Variants in UGP2 observed in about 807,000 individuals in gnomAD.
UGP2 encodes the protein UTP--glucose-1-phosphate uridylyltransferase.
Under a neutral mutation model 49.0 loss-of-function variants are expected in UGP2, and 40 were observed. The ratio of observed to expected loss-of-function variants is 0.82; its 90% CI spans 0.63 to 1.06. The LOEUF (loss-of-function observed/expected upper bound fraction) is 1.06, where lower values mean the gene tolerates loss of function less well. Ranked by LOEUF, UGP2 falls within the 50% of genes least tolerant of loss-of-function variation. The probability of loss-of-function intolerance (pLI) is 0.00; values close to 1 mark genes in which losing one functional copy is unlikely to be tolerated. For synonymous variants in UGP2, 225 were observed against 213.0 expected (o/e 1.06, Z -0.49); for missense variants, 460 against 603.5 (o/e 0.76, Z 2.49).
At chr2:63,857,800 G>A in intron 2 of UGP2, 29 bp from the exon 3 acceptor site, 1 of 1,579,016 alleles carries the variant, frequency 6.3e-7, no homozygotes, top group Non-Finnish European at 8.7e-7. Flanking sequence ...GCATTCTGCT[G>A]GTTGTAACAA....
chr2:63,858,958 A>G (rs1669643268), intron 3 of UGP2, among the ~76,000 whole-genome samples: 1 of 134,664 alleles, frequency 7.4e-6, no homozygotes, highest in Admixed American at 8.8e-5. Flanking sequence ...TATATAATTT[A>G]TGATGGACCT....
At chr2:63,851,058 GGA>G (rs1407293942) in intron 1 of UGP2, among the ~76,000 whole-genome samples, 1 of 152,156 alleles carries the variant, frequency 6.6e-6, no homozygotes, top group African/African-American at 2.4e-5. Flanking sequence ...ATGTTATAAA[GGA>G]GAGGTACAAG....
rs1398869442 is a variant in UGP2 at position 63,891,169 on chromosome 2, C to T, written c.1469C>T (p.Pro490Leu). 2 of 1,613,558 alleles carry T rather than the reference C, an allele frequency of 1.2e-6. No individual in the cohort carries two copies. The highest frequency in any genetic ancestry group is 1.3e-5 in the African/African-American group (1 of 74,872). Reference protein sequence around the residue: ...ANHGDRIDIPPGAVLENKIVS... With the variant: ...ANHGDRIDIPLGAVLENKIVS... ...CATGGTGACAGAATTGATATCCCAC[C>T]TGGAGCAGTATTAGAGAACAAGATT... The change falls in exon 10 of 10, where the codon CCT (proline) becomes CTT (leucine). Residue 490 changes from proline (P) to leucine (L), a missense_variant. Pro to Leu is a moderately conservative substitution (Grantham distance 98, BLOSUM62 -3). Coordinates refer to ENST00000337130, the MANE Select transcript of UGP2 (RefSeq NM_006759.4).
intron 2 of UGP2, 29 bp downstream of exon 2, chr2:63,856,462 C>A: frequency 6.3e-7 from 1 of 1,587,148 alleles, no homozygotes; most frequent in Non-Finnish European, 8.5e-7. Context: ...TGTTCCACCC[C>A]CCCGCCCCTC....
intron 8 of UGP2, chr2:63,889,198 G>T (rs962341363): frequency 6.6e-6 from 1 of 152,186 alleles, no homozygotes; most frequent in Non-Finnish European, 1.5e-5. Flanking sequence ...AATGAAAAAC[G>T]AGGAATTGGA....
At chr2:63,849,930 C>T (rs932941634) in intron 1 of UGP2, among the ~76,000 whole-genome samples, 2 of 152,154 alleles carry the variant, frequency 1.3e-5, no homozygotes, top group Non-Finnish European at 2.9e-5. Context: ...GCAGGACTAC[C>T]GGATCATTTT....
At chr2:63,865,318 G>C (rs1480186163) in intron 3 of UGP2, among the ~76,000 whole-genome samples, 1 of 152,212 alleles carries the variant, frequency 6.6e-6, no homozygotes, top group African/African-American at 2.4e-5. Context: ...GCCCTGCCCA[G>C]CTGCCTAGAG....
intron 3 of UGP2, among the ~76,000 whole-genome samples, chr2:63,875,440 A>G: frequency 6.6e-6 from 1 of 152,242 alleles, no homozygotes; most frequent in East Asian, 1.9e-4. Context: ...ACTAATGGGA[A>G]CAGTGTGTCT....
intron 1 of UGP2, among the ~76,000 whole-genome samples, chr2:63,843,245 C>T (rs1671699448): frequency 1.3e-5 from 2 of 152,190 alleles, no homozygotes; most frequent in South Asian, 4.1e-4. Context: ...ATTCGACTGC[C>T]TGTGTTATTA....
In UGP2 at chr2:63,886,293, T is replaced by C. The variant is rs184196323; in HGVS notation, c.874-48T>C. On this transcript the variant is annotated intron_variant, in intron 6 of 9. Transcript: ENST00000337130. Reference sequence around the variant, plus strand: ...CACTATCTTTGTATTTACAAAAAAATGCACTTGAGACTGATGTGGAGGCAC... The same window carrying C: ...CACTATCTTTGTATTTACAAAAAAACGCACTTGAGACTGATGTGGAGGCAC... The C allele has an allele frequency of 4.5e-6, 7 of 1,561,606 alleles. No homozygotes were observed. The East Asian group carries it at 1.6e-4, about 35-fold the overall frequency.
intron 3 of UGP2, among the ~76,000 whole-genome samples, chr2:63,880,175 C>T (rs1001179640): frequency 5.5e-5 from 8 of 144,612 alleles, no homozygotes; most frequent in Admixed American, 2.7e-4. Flanking sequence ...TTCCCCCTAC[C>T]CCTCCCCCCT....
intron 8 of UGP2, 147 bp downstream of exon 8, chr2:63,887,791 A>C: frequency 9.8e-7 from 1 of 1,021,460 alleles, no homozygotes; most frequent in Non-Finnish European, 1.4e-6. Context: ...AAGGGAATTG[A>C]CCATAGAAGA....
At chr2:63,841,613 G>A (rs1262418607), upstream of UGP2, 4 of 152,396 alleles carry the variant, frequency 2.6e-5, no homozygotes, top group Non-Finnish European at 5.9e-5. Context: ...CCTAGTCCCA[G>A]GATGTTTATG....
intron 3 of UGP2, among the ~76,000 whole-genome samples, chr2:63,862,209 TA>T (rs1669896822): frequency 6.6e-6 from 1 of 152,110 alleles, no homozygotes; most frequent in South Asian, 2.1e-4. Context: ...AATGAGATTC[TA>T]AAAAGTATTC....
At chr2:63,847,911 C>T (rs1668775867) in intron 1 of UGP2, among the ~76,000 whole-genome samples, 1 of 152,194 alleles carries the variant, frequency 6.6e-6, no homozygotes, top group Admixed American at 6.5e-5. Context: ...AGAGGCCTGA[C>T]ATAGGCATTA....
rs1671769474 is a variant in UGP2, at chr2:63,887,507, C to T, written c.1177C>T (p.Leu393=). The T allele has an allele frequency of 1.9e-6, 3 of 1,614,086 alleles. No homozygotes were observed. The highest frequency in any genetic ancestry group is 1.7e-6 in the Non-Finnish European group (2 of 1,180,008). The change falls in exon 8 of 10, where the codon CTG becomes TTG. Residue 393 remains leucine, a synonymous_variant. Transcript: ENST00000337130. ...LGINVPRSRF[L]PVKTTSDLLL... ...TATTAATGTGCCAAGGAGCCGTTTT[C>T]TGCCTGTCAAAACCACATCAGATCT... is the stretch of plus-strand genomic sequence containing the variant.
chr2:63,844,499 C>T (rs981812364), intron 1 of UGP2, among the ~76,000 whole-genome samples: 7 of 151,950 alleles, frequency 4.6e-5, no homozygotes, highest in Non-Finnish European at 8.8e-5. Context: ...TTTTATCCTG[C>T]CCTTACAGGT....
At position 63,885,603 on chromosome 2, in the gene UGP2, A is replaced by AT; in HGVS notation, c.591dup (p.Lys198Ter). On this transcript the variant is annotated frameshift_variant, in exon 6 of 10. Transcript: ENST00000337130. LOFTEE classifies it high-confidence loss of function. ...TTTTTTTAAAGGTACCCGAGGATTA[A>AT]TAAAGAATCTTTACTTCCTGTAGCA... The AT allele has an allele frequency of 6.4e-7, 1 of 1,559,974 alleles. No individual in the cohort carries two copies. Among genetic ancestry groups the AT allele is most frequent in the South Asian group, 1.2e-5 (1 of 82,430 alleles).
In UGP2 at chr2:63,890,061, T is replaced by A. The variant is rs1671982755; in HGVS notation, c.1315-20T>A. 2 of 1,569,464 alleles carry A rather than the reference T, an allele frequency of 1.3e-6. No individual in the cohort carries two copies. The highest frequency in any genetic ancestry group is 8.7e-7 in the Non-Finnish European group (1 of 1,151,872). Reference sequence around the variant, plus strand: ...TGAACCCATTTGAGACAAATTTTTATGTTTCTCCTTTTCTGTAAGGTTCAA... The same window carrying A: ...TGAACCCATTTGAGACAAATTTTTAAGTTTCTCCTTTTCTGTAAGGTTCAA... On this transcript the variant is annotated intron_variant, in intron 8 of 9. Transcript: ENST00000337130.
Sources: allele counts gnomAD v4.1 joint callset (sites outside exome capture counted in the v4.1 genomes callset), GRCh38; gene constraint gnomAD v4.1.1; transcripts MANE v1.5; gene names NCBI Gene and HGNC (gene_info 2026-07-23, HGNC 2026-07-21).